The following TMEM117 variants were observed in gnomAD, a reference collection of about 807,000 sequenced individuals.
TMEM117 encodes the protein transmembrane protein 117.
Under a neutral mutation model 52.4 loss-of-function variants are expected in TMEM117, and 27 were observed. The observed-to-expected ratio is 0.51, with a 90% CI of 0.38 to 0.71. TMEM117 has a LOEUF of 0.71. Among genes scored for constraint, TMEM117 ranks in the 30% least tolerant of loss-of-function variants. The pLI is 0.00. For synonymous variants in TMEM117, 215 were observed against 206.3 expected (o/e 1.04, Z -0.36); for missense variants, 556 against 630.5 (o/e 0.88, Z 1.26).
intron 3 of TMEM117, among the ~76,000 whole-genome samples, chr12:44,064,509 A>AGT (rs1167487797): frequency 5.9e-5 from 9 of 151,918 alleles, no homozygotes; most frequent in South Asian, 2.1e-4. Flanking sequence ...TCTTTGAAGG[A>AGT]GTGTGTGTGT....
intron 6 of TMEM117, among the ~76,000 whole-genome samples, chr12:44,358,873 C>T (rs1391855156): frequency 6.6e-6 from 1 of 152,022 alleles, no homozygotes; most frequent in East Asian, 1.9e-4. Flanking sequence ...AGGAGTTAGT[C>T]CAACCCATCT....
At chr12:43,907,739 A>G (rs374568775) in intron 2 of TMEM117, among the ~76,000 whole-genome samples, 1 of 151,998 alleles carries the variant, frequency 6.6e-6, no homozygotes, top group East Asian at 1.9e-4. Flanking sequence ...TGGAAGAAAG[A>G]GTATCAGTGA....
intron 3 of TMEM117, among the ~76,000 whole-genome samples, chr12:44,065,122 C>T (rs1565813417): frequency 6.6e-6 from 1 of 152,152 alleles, no homozygotes; most frequent in African/African-American, 2.4e-5. Flanking sequence ...TGGTGGCTCA[C>T]GCCTGTAATC....
At chr12:44,290,359 A>G (rs979715793) in intron 5 of TMEM117, among the ~76,000 whole-genome samples, 1 of 152,128 alleles carries the variant, frequency 6.6e-6, no homozygotes. Context: ...TTCAGGCCTT[A>G]CATTTAAGTC....
chr12:44,044,670 A>T (rs1946853086), intron 3 of TMEM117, among the ~76,000 whole-genome samples: 1 of 152,180 alleles, frequency 6.6e-6, no homozygotes, highest in South Asian at 2.1e-4. Flanking sequence ...GGAAGAGAAG[A>T]CTAGGGGCTG....
intron 3 of TMEM117, among the ~76,000 whole-genome samples, chr12:44,011,970 A>G (rs1216658771): frequency 6.6e-6 from 1 of 152,172 alleles, no homozygotes; most frequent in Non-Finnish European, 1.5e-5. Flanking sequence ...TCTTCACACT[A>G]CTTAGAATGG....
chr12:43,848,341 G>A (rs1943247319), intron 2 of TMEM117, among the ~76,000 whole-genome samples: 1 of 152,064 alleles, frequency 6.6e-6, no homozygotes, highest in African/African-American at 2.4e-5. Flanking sequence ...GGAGACCAGG[G>A]CTTATCTCAG....
intron 3 of TMEM117, among the ~76,000 whole-genome samples, chr12:44,038,963 C>T (rs1946755765): frequency 6.6e-6 from 1 of 152,184 alleles, no homozygotes; most frequent in African/African-American, 2.4e-5. Context: ...CAAACAGGTA[C>T]TCACAATTCA....
intron 3 of TMEM117, among the ~76,000 whole-genome samples, chr12:44,119,875 A>C (rs531802347): frequency 1.3e-5 from 2 of 152,232 alleles, no homozygotes; most frequent in Non-Finnish European, 2.9e-5. Context: ...TGAGTAGAAC[A>C]TGGATCAGGA....
At chr12:44,034,437 T>G (rs1031397427) in intron 3 of TMEM117, among the ~76,000 whole-genome samples, 1 of 152,208 alleles carries the variant, frequency 6.6e-6, no homozygotes, top group Non-Finnish European at 1.5e-5. Flanking sequence ...ATTAACAGTA[T>G]AAATAATAGT....
At chr12:44,285,805 T>A (rs1030360878) in intron 5 of TMEM117, among the ~76,000 whole-genome samples, 1 of 152,232 alleles carries the variant, frequency 6.6e-6, no homozygotes, top group Non-Finnish European at 1.5e-5. Flanking sequence ...TTCAGTGTGC[T>A]GGTACTTAGT....
At chr12:44,372,152 C>T (rs909260624) in intron 6 of TMEM117, among the ~76,000 whole-genome samples, 5 of 151,976 alleles carry the variant, frequency 3.3e-5, no homozygotes, top group African/African-American at 4.8e-5. Flanking sequence ...TAGCAGAGAA[C>T]GATAAGAAAG....
At chr12:44,346,676 G>A (rs898018231) in intron 6 of TMEM117, among the ~76,000 whole-genome samples, 2 of 152,070 alleles carry the variant, frequency 1.3e-5, no homozygotes, top group African/African-American at 4.8e-5. Flanking sequence ...GTTGTACCTC[G>A]TTGTGTCAAA....
chr12:44,150,038 T>C (rs565495404), intron 4 of TMEM117, among the ~76,000 whole-genome samples: 22 of 152,310 alleles, frequency 1.4e-4, no homozygotes, highest in Admixed American at 1.2e-3. Context: ...TGGGTCTTTC[T>C]CTTTTGCTGT....
chr12:44,245,166 ATT>A (rs1025238269), intron 5 of TMEM117, among the ~76,000 whole-genome samples: 38 of 152,130 alleles, frequency 2.5e-4, no homozygotes, highest in African/African-American at 9.1e-4. Context: ...TGCTTTGACT[ATT>A]CAGAGTCTTT....
chr12:44,129,507 T>G (rs934405387), intron 3 of TMEM117, among the ~76,000 whole-genome samples: 1 of 152,158 alleles, frequency 6.6e-6, no homozygotes, highest in Non-Finnish European at 1.5e-5. Context: ...CTTTCTTATC[T>G]TAACCCAGAG....
At chr12:44,134,045 CT>C (rs1948453653) in intron 3 of TMEM117, among the ~76,000 whole-genome samples, 1 of 152,174 alleles carries the variant, frequency 6.6e-6, no homozygotes, top group African/African-American at 2.4e-5. Context: ...CTTTTCAACA[CT>C]TTATATTTCA....
At chr12:44,207,097 A>C (rs966098266) in intron 4 of TMEM117, among the ~76,000 whole-genome samples, 1 of 152,200 alleles carries the variant, frequency 6.6e-6, no homozygotes, top group Non-Finnish European at 1.5e-5. Context: ...ATGACAAACT[A>C]TCAAATAAAA....
At chr12:44,362,741 G>A (rs144009195) in intron 6 of TMEM117, among the ~76,000 whole-genome samples, 27 of 152,062 alleles carry the variant, frequency 1.8e-4, no homozygotes, top group South Asian at 1.0e-3. Flanking sequence ...GACTAAACCA[G>A]AAGAGCAATC....
Sources: gnomAD v4.1 joint callset for allele counts (sites outside exome capture counted in the v4.1 genomes callset) on GRCh38, gnomAD v4.1.1 for gene constraint, MANE v1.5 for transcripts, NCBI Gene and HGNC (gene_info 2026-07-23, HGNC 2026-07-21) for gene names.